NPAS3: variants seen among roughly 807,000 people sequenced by gnomAD.
The protein encoded by NPAS3 is neuronal PAS domain protein 3.
In NPAS3, 14 loss-of-function variants were observed where a neutral mutation model predicts 73.1. That is an observed-to-expected ratio of 0.19 (90% confidence interval 0.13 to 0.30). The LOEUF (loss-of-function observed/expected upper bound fraction) is 0.30. Ranked by LOEUF, NPAS3 falls within the 10% of genes least tolerant of loss-of-function variation. The pLI is 1.00. For synonymous variants in NPAS3, 620 were observed against 541.5 expected, an observed-to-expected ratio of 1.14 and a Z score of -2.01; for missense variants, 1,096 against 1,250.0, an observed-to-expected ratio of 0.88 and a Z score of 1.86.
rs185563258 is a variant in NPAS3, at chr14:33,610,790, A to C, written c.558+50580A>C. Among the ~76,000 whole-genome samples, 39 of 152,340 alleles carry C rather than the reference A, an allele frequency of 2.6e-4. 1 individual carries two copies. The East Asian group carries it at 6.0e-3, about 23-fold the overall frequency. On this transcript the variant is annotated intron_variant, in intron 5 of 11. Transcript: ENST00000356141. The stretch of plus-strand genomic sequence containing the variant: ...CTGAAGCTGAATAACATTTTCTCCA[A>C]ATATTGGGTCATAAATTAGCAAGGA...
intron 5 of NPAS3, among the ~76,000 whole-genome samples, chr14:33,666,448 A>G (rs1410344612): frequency 1.3e-5 from 2 of 152,178 alleles, no homozygotes; most frequent in Non-Finnish European, 2.9e-5. Flanking sequence ...GTGAATCGTG[A>G]ACTAGCAGGT....
At chr14:33,746,670 G>C (rs1319687734) in intron 7 of NPAS3, among the ~76,000 whole-genome samples, 1 of 152,046 alleles carries the variant, frequency 6.6e-6, no homozygotes, top group Non-Finnish European at 1.5e-5. Context: ...CATTCTGCAA[G>C]AGAAATTACC....
At chr14:33,066,805 C>T (rs1026711034) in intron 2 of NPAS3, among the ~76,000 whole-genome samples, 33 of 152,158 alleles carry the variant, frequency 2.2e-4, no homozygotes, top group Admixed American at 2.0e-3. Context: ...TAACTCATGA[C>T]GGTGAAGTTA....
chr14:33,326,035 GTTGTT>G (rs957059081), intron 3 of NPAS3, among the ~76,000 whole-genome samples: 7 of 151,944 alleles, frequency 4.6e-5, no homozygotes, highest in Admixed American at 2.0e-4. Context: ...AAATAAGACA[GTTGTT>G]TTGTTTTTTA....
intron 4 of NPAS3, among the ~76,000 whole-genome samples, chr14:33,438,978 G>A (rs1014450258): frequency 2.0e-5 from 3 of 152,104 alleles, no homozygotes; most frequent in Admixed American, 6.6e-5. Context: ...GGCCTGTGGT[G>A]CTAAGGTCGG....
chr14:33,176,490 T>G (rs1194137104), intron 2 of NPAS3, among the ~76,000 whole-genome samples: 2 of 152,252 alleles, frequency 1.3e-5, no homozygotes, highest in Admixed American at 1.3e-4. Context: ...CTTTTGTATT[T>G]GGCATGTTTC....
chr14:32,987,793 A>T (rs1026586191), intron 1 of NPAS3, among the ~76,000 whole-genome samples: 1 of 152,128 alleles, frequency 6.6e-6, no homozygotes, highest in African/African-American at 2.4e-5. Flanking sequence ...GTATGTAAAA[A>T]ATACTTTAAA....
At chr14:33,394,668 C>A (rs893798581) in intron 4 of NPAS3, among the ~76,000 whole-genome samples, 18 of 152,118 alleles carry the variant, frequency 1.2e-4, no homozygotes, top group Admixed American at 6.6e-4. Flanking sequence ...TTATCCTAAA[C>A]ATTTTAAAAA....
intron 2 of NPAS3, among the ~76,000 whole-genome samples, chr14:33,190,434 GT>G (rs2046128587): frequency 6.6e-6 from 1 of 152,192 alleles, no homozygotes. Flanking sequence ...AGAGGCTAGG[GT>G]GATTTTGTTT....
chr14:33,660,377 T>C (rs2059272184), intron 5 of NPAS3, among the ~76,000 whole-genome samples: 1 of 152,216 alleles, frequency 6.6e-6, no homozygotes, highest in Admixed American at 6.5e-5. Flanking sequence ...GAGGCTTCCT[T>C]GTTCTTTTAT....
At chr14:33,314,631 A>G (rs1423348772) in intron 3 of NPAS3, among the ~76,000 whole-genome samples, 3 of 152,080 alleles carry the variant, frequency 2.0e-5, no homozygotes, top group Non-Finnish European at 4.4e-5. Context: ...AATATTATCG[A>G]TCCATATAAT....
chr14:33,405,122 T>C (rs888733023), intron 4 of NPAS3, among the ~76,000 whole-genome samples: 1 of 152,106 alleles, frequency 6.6e-6, no homozygotes, highest in African/African-American at 2.4e-5. Context: ...CTGCCTGCTT[T>C]ACTCTTTGGT....
intron 5 of NPAS3, among the ~76,000 whole-genome samples, chr14:33,597,015 G>A (rs2057262557): frequency 6.6e-6 from 1 of 152,136 alleles, no homozygotes; most frequent in Non-Finnish European, 1.5e-5. Context: ...CAGATTGCGG[G>A]GTGGGACTGG....
At chr14:32,989,501 G>A (rs1321393237) in intron 1 of NPAS3, among the ~76,000 whole-genome samples, 1 of 152,038 alleles carries the variant, frequency 6.6e-6, no homozygotes, top group African/African-American at 2.4e-5. Flanking sequence ...AAAATTAGCC[G>A]GGCGAGGTGG....
Position 33,250,884 on chromosome 14 carries a change from T to C in NPAS3, c.385+35458T>C, listed in dbSNP as rs187923293. ...ATACCATGGATAATATCTTTTATAATAACCTACCCTTATTCAGAAGGTCTT... is the reference window on the plus strand; with the variant it reads ...ATACCATGGATAATATCTTTTATAACAACCTACCCTTATTCAGAAGGTCTT... On this transcript the variant is annotated intron_variant, in intron 3 of 11. Transcript: ENST00000356141. 6.8e-3 allele frequency among the ~76,000 whole-genome samples: 1,038 copies of C among 152,242 alleles called. 7 individuals carry two copies. The highest frequency in any genetic ancestry group is 0.024 in the African/African-American group (986 of 41,556).
At chr14:33,746,888 T>C (rs189287032) in intron 7 of NPAS3, among the ~76,000 whole-genome samples, 24,962 of 137,548 alleles carry the variant, frequency 0.18, 2,562 homozygotes, top group African/African-American at 0.26. Context: ...ATGCTATCCC[T>C]CCCCCGTCCC....
chr14:33,673,756 T>G (rs915020705), intron 5 of NPAS3, among the ~76,000 whole-genome samples: 1 of 152,178 alleles, frequency 6.6e-6, no homozygotes, highest in Non-Finnish European at 1.5e-5. Flanking sequence ...ATGGTTCTCC[T>G]AGGGCCCTGC....
chr14:33,418,995 G>A (rs960291845), intron 4 of NPAS3, among the ~76,000 whole-genome samples: 4 of 151,870 alleles, frequency 2.6e-5, no homozygotes, highest in Admixed American at 2.6e-4. Context: ...AGTCTAGTTG[G>A]GAAGACAAAT....
chr14:33,197,512 A>G (rs549223265), intron 2 of NPAS3, among the ~76,000 whole-genome samples: 7 of 151,940 alleles, frequency 4.6e-5, no homozygotes, highest in Non-Finnish European at 1.0e-4. Context: ...AGAGACCAGG[A>G]GCATATTGTC....
Sources: gnomAD v4.1 joint callset for allele counts (sites outside exome capture counted in the v4.1 genomes callset) on GRCh38, gnomAD v4.1.1 for gene constraint, MANE v1.5 for transcripts, NCBI Gene and HGNC (gene_info 2026-07-23, HGNC 2026-07-21) for gene names.